Variants in THNSL2 observed in about 807,000 individuals in gnomAD.
THNSL2 encodes the protein threonine synthase-like 2.
A neutral mutation model predicts 40.0 loss-of-function variants in THNSL2; 34 were observed. The ratio of observed to expected loss-of-function variants is 0.85; its 90% CI spans 0.65 to 1.13. THNSL2 has a LOEUF of 1.13. Among genes scored for constraint, THNSL2 ranks in the 50% most tolerant of loss-of-function variants. THNSL2 has a pLI of 0.00. For missense variants in THNSL2, 537 were observed against 608.8 expected (o/e 0.88, Z 1.24); for synonymous variants, 241 against 247.5 (o/e 0.97, Z 0.25).
intron 7 of THNSL2, 105 bp from the exon 8 acceptor site, chr2:88,185,223 C>G: frequency 6.8e-7 from 1 of 1,470,426 alleles, no homozygotes; most frequent in East Asian, 2.3e-5. Context: ...GAATGTCCCA[C>G]TGGATCCCTG....
chr2:88,173,059 A>T, intron 1 of THNSL2, 80 bp from the exon 2 acceptor site: 1 of 963,266 alleles, frequency 1.0e-6, no homozygotes, highest in Non-Finnish European at 1.5e-6. Flanking sequence ...GCTAACTGTG[A>T]GACTGTGTGT....
At chr2:88,170,720 G>C (rs75024295) in intron 1 of THNSL2, among the ~76,000 whole-genome samples, 1 of 152,128 alleles carries the variant, frequency 6.6e-6, no homozygotes, top group African/African-American at 2.4e-5. Flanking sequence ...GTTTTCAGGG[G>C]CTGGGAGTGG....
At chr2:88,183,383 T>A in intron 7 of THNSL2, 1 of 249,308 alleles carries the variant, frequency 4.0e-6, no homozygotes, top group Non-Finnish European at 7.7e-6. Flanking sequence ...CATAGAGTTG[T>A]TGTGAGATTT....
Position 88,183,061 on chromosome 2 carries a change from A to G in THNSL2, c.1065A>G (p.Glu355=), listed in dbSNP as rs2104267772. 6.2e-7 allele frequency: 1 copy of G among 1,612,988 alleles called. No homozygotes were observed. The highest frequency in any genetic ancestry group is 1.1e-5 in the South Asian group (1 of 90,998). The change falls in exon 7 of 9, where the codon GAA becomes GAG. Residue 355 remains glutamate (E), a synonymous_variant. Transcript: ENST00000674334. ...ERTQSVNLPK[E]LHSKLSEAVT... ...CCCAAAGTGTGAATCTGCCCAAGGA[A>G]CTGCACAGCAAGGTCAGTCACTACC...
chr2:88,172,225 C>T (rs973512313), intron 1 of THNSL2: 9 of 152,416 alleles, frequency 5.9e-5, no homozygotes, highest in Admixed American at 5.9e-4. Context: ...AGCCCAGCTC[C>T]TTGACATGGC....
chr2:88,173,636 AAAC>A (rs1676603050), intron 2 of THNSL2, among the ~76,000 whole-genome samples: 1 of 152,094 alleles, frequency 6.6e-6, no homozygotes, highest in South Asian at 2.1e-4. Flanking sequence ...AAAAAAAAAA[AAAC>A]AAAAACCTCT....
At chr2:88,184,698 G>A (rs754313259) in intron 7 of THNSL2, among the ~76,000 whole-genome samples, 44 of 152,166 alleles carry the variant, frequency 2.9e-4, no homozygotes, top group Non-Finnish European at 5.1e-4. Context: ...AACCTGGGAG[G>A]TGGAGGTTCC....
intron 1 of THNSL2, chr2:88,171,369 G>A: frequency 2.2e-6 from 1 of 455,902 alleles, no homozygotes; most frequent in Non-Finnish European, 4.4e-6. Flanking sequence ...CAGCCCCTCT[G>A]TCCTCTGTTC....
At chr2:88,170,938 C>G (rs1420500549) in intron 1 of THNSL2, among the ~76,000 whole-genome samples, 1 of 152,146 alleles carries the variant, frequency 6.6e-6, no homozygotes, top group East Asian at 1.9e-4. Context: ...CCTTCTTGTT[C>G]CCAGCCTTCG....
intron 4 of THNSL2, chr2:88,176,963 A>G (rs537752997): frequency 2.0e-5 from 3 of 152,338 alleles, no homozygotes; most frequent in African/African-American, 7.2e-5. Flanking sequence ...GAATCAAAGC[A>G]GAGAATAGCG....
chr2:88,182,446 G>A, intron 5 of THNSL2: 1 of 331,446 alleles, frequency 3.0e-6, no homozygotes, highest in Non-Finnish European at 5.4e-6. Flanking sequence ...TTTTTAATTG[G>A]GTTATTTGTA....
At chr2:88,175,707 C>G in intron 4 of THNSL2, 1 of 309,574 alleles carries the variant, frequency 3.2e-6, no homozygotes, top group Non-Finnish European at 6.0e-6. Flanking sequence ...TCATGTATGT[C>G]AGCAACCATG....
intron 3 of THNSL2, 41 bp from the exon 4 acceptor site, chr2:88,175,208 T>G: frequency 6.3e-7 from 1 of 1,595,022 alleles, no homozygotes; most frequent in Non-Finnish European, 8.5e-7. Flanking sequence ...GTTCATTCCC[T>G]TTGTTCTAAA....
intron 4 of THNSL2, chr2:88,176,142 T>C (rs965548991): frequency 2.0e-5 from 3 of 152,244 alleles, no homozygotes; most frequent in Admixed American, 2.0e-4. Context: ...CTGCTGTTCT[T>C]TACAGTATGG....
chr2:88,186,160 C>T lies in THNSL2; in HGVS notation c.*37C>T, dbSNP rs1558903459. On this transcript the variant is annotated 3_prime_UTR_variant, in exon 9 of 9. Transcript: ENST00000674334. ...GTGGCTTTCTTTAGGCTTCAGATCC[C>T]AGGAAGATGCACCTTCTGAGCTGCC... 6.5e-7 allele frequency: 1 copy of T among 1,539,510 alleles called. No individual in the cohort carries two copies. Among genetic ancestry groups the T allele is most frequent in the Admixed American group, 2.0e-5 (1 of 50,978 alleles).
At position 88,186,085 on chromosome 2, in the gene THNSL2, C is replaced by T. The variant is rs950597864; in HGVS notation, c.1417C>T (p.Arg473Ter). The change falls in exon 9 of 9, where the codon CGA (arginine) becomes TGA (stop). Residue 473 changes from arginine (R) to a stop codon, truncating the protein, a stop_gained. Coordinates refer to ENST00000674334, the MANE Select transcript of THNSL2 (RefSeq NM_018271.5). LOFTEE classifies it low-confidence loss of function (END_TRUNC). Reference protein sequence around the residue: ...MLRDTIEDLSRQWRSHALNTS... With the variant: ...MLRDTIEDLS ...TCGGGACACCATTGAGGACCTTAGC[C>T]GACAGTGGAGGAGTCATGCCCTCAA... 14 of 1,566,140 alleles carry T rather than the reference C, an allele frequency of 8.9e-6. No homozygotes were observed. In the East Asian group the frequency reaches 1.4e-4, roughly 16 times the overall value.
At chr2:88,180,091 C>G (rs1247747599) in intron 5 of THNSL2, among the ~76,000 whole-genome samples, 1 of 152,220 alleles carries the variant, frequency 6.6e-6, no homozygotes, top group African/African-American at 2.4e-5. Context: ...CTACCATGCT[C>G]CCCATTCCCA....
In THNSL2 at chr2:88,186,169, G is replaced by T. The variant is rs1678275011; in HGVS notation, c.*46G>T. The T allele has an allele frequency of 2.0e-6, 3 of 1,532,524 alleles. No homozygotes were observed. Among genetic ancestry groups the T allele is most frequent in the Admixed American group, 3.9e-5 (2 of 50,924 alleles). The allele number at this position is 1,532,524 out of a possible 1,614,324, so 94.9% of individuals were successfully genotyped here. A position where few individuals can be genotyped will look rare whatever the true frequency, so the allele number is the denominator to read the frequency against. On this transcript the variant is annotated 3_prime_UTR_variant, in exon 9 of 9. Transcript: ENST00000674334. ...TTTAGGCTTCAGATCCCAGGAAGAT[G>T]CACCTTCTGAGCTGCCTTGTGCACC...
At chr2:88,184,832 G>C (rs1311355371) in intron 7 of THNSL2, among the ~76,000 whole-genome samples, 1 of 152,094 alleles carries the variant, frequency 6.6e-6, no homozygotes, top group Non-Finnish European at 1.5e-5. Flanking sequence ...AGTATATGCA[G>C]GGTGTTTGGT....
Sources: gnomAD v4.1 joint callset for allele counts (sites outside exome capture counted in the v4.1 genomes callset) on GRCh38, gnomAD v4.1.1 for gene constraint, MANE v1.5 for transcripts, NCBI Gene and HGNC (gene_info 2026-07-23, HGNC 2026-07-21) for gene names.